Variants in DSCAM observed in about 807,000 individuals in gnomAD.
DSCAM encodes the protein cell adhesion molecule DSCAM.
Under a neutral mutation model 217.7 loss-of-function variants are expected in DSCAM, and 47 were observed. The ratio of observed to expected loss-of-function variants is 0.22; its 90% CI spans 0.17 to 0.28. The LOEUF (loss-of-function observed/expected upper bound fraction) is 0.28, where lower values mean the gene tolerates loss of function less well. Ranked by LOEUF, DSCAM falls within the 10% of genes least tolerant of loss-of-function variation. DSCAM has a pLI of 1.00. For missense variants in DSCAM, 2,080 were observed against 2,618.3 expected (o/e 0.79, Z 4.49); for synonymous variants, 1,056 against 1,015.3 (o/e 1.04, Z -0.76).
At chr21:40,837,671 C>T (rs2092067927) in intron 1 of DSCAM, among the ~76,000 whole-genome samples, 1 of 152,194 alleles carries the variant, frequency 6.6e-6, no homozygotes, top group Non-Finnish European at 1.5e-5. Flanking sequence ...CAGCATTCCA[C>T]ATTTCTTGTG....
chr21:40,380,906 G>A (rs2075014194), intron 3 of DSCAM, among the ~76,000 whole-genome samples: 5 of 151,198 alleles, frequency 3.3e-5, no homozygotes, highest in East Asian at 3.9e-4. Context: ...TACTAAAAAT[G>A]CAAAAAATTA....
intron 11 of DSCAM, among the ~76,000 whole-genome samples, chr21:40,259,743 G>A (rs567504410): frequency 8.5e-5 from 11 of 129,860 alleles, no homozygotes; most frequent in Admixed American, 2.8e-4. Context: ...GCGAAGTCTC[G>A]GCTCACTGTA....
intron 9 of DSCAM, among the ~76,000 whole-genome samples, chr21:40,306,761 T>C (rs968520815): frequency 1.8e-4 from 27 of 152,196 alleles, no homozygotes; most frequent in African/African-American, 3.4e-4. Context: ...TTTGCGTATA[T>C]TGAACAAGCC....
intron 3 of DSCAM, among the ~76,000 whole-genome samples, chr21:40,600,571 C>T (rs533599274): frequency 3.3e-5 from 5 of 152,122 alleles, no homozygotes; most frequent in Non-Finnish European, 5.9e-5. Context: ...CATACTTTTG[C>T]GGTTGTATCT....
At chr21:40,813,777 G>A (rs1327542855) in intron 1 of DSCAM, among the ~76,000 whole-genome samples, 1 of 151,532 alleles carries the variant, frequency 6.6e-6, no homozygotes, top group Non-Finnish European at 1.5e-5. Context: ...CTCCCGAGTA[G>A]CTGGGATTAC....
At chr21:40,771,364 T>C (rs1477536272) in intron 1 of DSCAM, among the ~76,000 whole-genome samples, 2 of 152,142 alleles carry the variant, frequency 1.3e-5, no homozygotes, top group Non-Finnish European at 2.9e-5. Flanking sequence ...GGAGGGAGTA[T>C]TGGGAATAAA....
intron 4 of DSCAM, 21 bp from the exon 5 acceptor site, chr21:40,353,764 C>T (rs765140971): frequency 6.6e-6 from 10 of 1,508,398 alleles, no homozygotes; most frequent in Non-Finnish European, 8.8e-6. Context: ...AATAAAAACT[C>T]TTAGAGGCAG....
intron 1 of DSCAM, among the ~76,000 whole-genome samples, chr21:40,834,675 C>T (rs756819588): frequency 6.6e-6 from 1 of 152,058 alleles, no homozygotes; most frequent in Non-Finnish European, 1.5e-5. Context: ...TGCTTCTAGA[C>T]TTCAGTGTGC....
In DSCAM at chr21:40,820,982, C is replaced by CAT. The variant is rs1048966825; in HGVS notation, c.43+25635_43+25636dup. 4.4e-4 allele frequency among the ~76,000 whole-genome samples: 67 copies of CAT among 150,584 alleles called. No individual in the cohort carries two copies. The East Asian group carries it at 8.0e-3, about 18-fold the overall frequency. ...TTTGTACCCAAACCAGATATCCAGA[C>CAT]ATATATATATATGTATGAACTGTAG... On this transcript the variant is annotated intron_variant, in intron 1 of 32. Transcript: ENST00000400454.
At chr21:40,380,729 A>T (rs2075011648) in intron 3 of DSCAM, among the ~76,000 whole-genome samples, 1 of 152,144 alleles carries the variant, frequency 6.6e-6, no homozygotes, top group African/African-American at 2.4e-5. Context: ...GGCGGGAAAA[A>T]CTGTGGCATA....
intron 3 of DSCAM, among the ~76,000 whole-genome samples, chr21:40,425,783 T>C (rs1309308779): frequency 2.6e-5 from 4 of 152,102 alleles, no homozygotes. Flanking sequence ...CTTCCAATCT[T>C]ATAGTTTCTA....
chr21:40,620,123 AAGAG>A lies in DSCAM; in HGVS notation c.508+72683_508+72686del, dbSNP rs755201521. On this transcript the variant is annotated intron_variant, in intron 3 of 32. Coordinates refer to ENST00000400454, the MANE Select transcript of DSCAM (RefSeq NM_001389.5). ...GAGAGAGAAAAAAGAAAAAGAAAGA[AAGAG>A]AGAGAGAAAGAGAGAGAAAAAAGAA... is the stretch of plus-strand genomic sequence containing the variant. 3.4e-3 allele frequency among the ~76,000 whole-genome samples: 380 copies of A among 112,440 alleles called. 26 individuals are homozygous for A. The highest frequency in any genetic ancestry group is 7.0e-3 in the East Asian group (19 of 2,718). 73.8% of individuals were successfully genotyped at this position (112,440 alleles called of 152,430 possible).
chr21:40,808,845 A>AC (rs1440143984), intron 1 of DSCAM, among the ~76,000 whole-genome samples: 1 of 152,124 alleles, frequency 6.6e-6, no homozygotes, highest in East Asian at 1.9e-4. Context: ...GGCTGGAATT[A>AC]CCCCAAAGGC....
intron 20 of DSCAM, among the ~76,000 whole-genome samples, chr21:40,118,135 C>T (rs941599533): frequency 2.6e-5 from 4 of 152,080 alleles, no homozygotes; most frequent in Admixed American, 1.3e-4. Flanking sequence ...GTAAAAACTG[C>T]GAAGTCATCC....
intron 3 of DSCAM, among the ~76,000 whole-genome samples, chr21:40,464,560 C>T (rs1020480486): frequency 2.6e-5 from 4 of 152,054 alleles, no homozygotes; most frequent in African/African-American, 9.7e-5. Context: ...GGAGTCATTG[C>T]GACTCTTCAG....
At chr21:40,429,672 G>A (rs2075511869) in intron 3 of DSCAM, among the ~76,000 whole-genome samples, 1 of 152,164 alleles carries the variant, frequency 6.6e-6, no homozygotes, top group African/African-American at 2.4e-5. Flanking sequence ...TTGTACTTCA[G>A]GTCCTTATAA....
chr21:40,748,924 T>C lies in DSCAM; in HGVS notation c.44-40153A>G, dbSNP rs1042941376. ...ACAAAATACAGAACCTAGAAATAAA[T>C]ATATGTATGTATATCCAAATGATTT... On this transcript the variant is annotated intron_variant, in intron 1 of 32. Transcript: ENST00000400454. 1.4e-4 allele frequency among the ~76,000 whole-genome samples: 21 copies of C among 151,960 alleles called. 1 individual carries two copies. Among genetic ancestry groups the C allele is most frequent in the Admixed American group, 1.2e-3 (18 of 15,266 alleles).
At position 40,016,430 on chromosome 21, in the gene DSCAM, T is replaced by C. The variant is rs568618302; in HGVS notation, c.5687-3044A>G. Among the ~76,000 whole-genome samples the C allele has an allele frequency of 3.3e-5, 5 of 152,296 alleles. No individual in the cohort carries two copies. The East Asian group carries it at 9.7e-4, about 29-fold the overall frequency. On this transcript the variant is annotated intron_variant, in intron 32 of 32. Coordinates refer to ENST00000400454, the MANE Select transcript of DSCAM (RefSeq NM_001389.5). The surrounding 1 kb of genome is among the most constrained non-coding windows in gnomAD (Gnocchi z 4.3). ...TTAGTTTCAGACCTGCTGAGTTTGATGCAGCTGGGGACATTCAAGACAAGA... is the reference window on the plus strand; with the variant it reads ...TTAGTTTCAGACCTGCTGAGTTTGACGCAGCTGGGGACATTCAAGACAAGA...
At chr21:40,365,923 A>T (rs1428470892) in intron 4 of DSCAM, among the ~76,000 whole-genome samples, 1 of 151,994 alleles carries the variant, frequency 6.6e-6, no homozygotes, top group Non-Finnish European at 1.5e-5. Flanking sequence ...ATATTAGGTC[A>T]GTTTGTCTAT....
Sources: gnomAD v4.1 joint callset for allele counts (sites outside exome capture counted in the v4.1 genomes callset) on GRCh38, gnomAD v4.1.1 for gene constraint, Gnocchi (gnomAD v3.1) non-coding constraint, MANE v1.5 for transcripts, NCBI Gene and HGNC (gene_info 2026-07-23, HGNC 2026-07-21) for gene names.